TGFBR3: variants seen among roughly 807,000 people sequenced by gnomAD.
TGFBR3 encodes the protein transforming growth factor beta receptor 3, also known as transforming growth factor beta receptor type 3.
Under a neutral mutation model 87.9 loss-of-function variants are expected in TGFBR3, and 46 were observed. That is an observed-to-expected ratio of 0.52 (90% CI 0.41 to 0.67). TGFBR3 has a LOEUF of 0.67. Ranked by LOEUF, TGFBR3 falls within the 30% of genes least tolerant of loss-of-function variation. The pLI, the probability that TGFBR3 is intolerant of heterozygous loss-of-function variation, is 0.00. For synonymous variants in TGFBR3, 381 were observed against 391.6 expected, an observed-to-expected ratio of 0.97 and a Z score of 0.32; for missense variants, 866 against 1,041.9, an observed-to-expected ratio of 0.83 and a Z score of 2.32.
At chr1:91,827,758 G>T (rs191824840) in intron 2 of TGFBR3, among the ~76,000 whole-genome samples, 59 of 152,292 alleles carry the variant, frequency 3.9e-4, no homozygotes, top group African/African-American at 1.3e-3. Context: ...AACTCTCCCA[G>T]GTTTACTTTT....
At chr1:91,802,423 C>T (rs914961675) in intron 2 of TGFBR3, among the ~76,000 whole-genome samples, 19 of 151,556 alleles carry the variant, frequency 1.3e-4, no homozygotes, top group Non-Finnish European at 2.5e-4. Context: ...GGCAGTGACG[C>T]GCTCTCAGCT....
At chr1:91,901,273 C>G (rs2101350218) in intron 1 of TGFBR3, among the ~76,000 whole-genome samples, 1 of 152,164 alleles carries the variant, frequency 6.6e-6, no homozygotes, top group South Asian at 2.1e-4. Flanking sequence ...CTTCATCAGT[C>G]CAAATACTTG....
In TGFBR3 at chr1:91,681,781, T is replaced by C. The variant is rs1670916637; in HGVS notation, c.*1958A>G. 1 of 444,954 alleles carries C rather than the reference T, an allele frequency of 2.2e-6. No individual in the cohort carries two copies. The highest frequency in any genetic ancestry group is 2.0e-5 in the African/African-American group (1 of 49,420). The allele number at this position is 444,954 out of a possible 1,614,324, so 27.6% of individuals were successfully genotyped here. On this transcript the variant is annotated 3_prime_UTR_variant, in exon 17 of 17. Transcript: ENST00000212355. Reference sequence around the variant, plus strand: ...CTCTAGTCTTCTTTGAAGACATCTTTAAACTTTTTTATACATAGAATATGC... The same window carrying C: ...CTCTAGTCTTCTTTGAAGACATCTTCAAACTTTTTTATACATAGAATATGC...
intron 3 of TGFBR3, among the ~76,000 whole-genome samples, chr1:91,778,071 G>A (rs1674629261): frequency 6.6e-6 from 1 of 151,452 alleles, no homozygotes; most frequent in African/African-American, 2.4e-5. Context: ...AAGGCAGTAA[G>A]ATATAAGCAA....
intron 2 of TGFBR3, among the ~76,000 whole-genome samples, chr1:91,818,864 G>T (rs538829239): frequency 8.5e-5 from 13 of 152,258 alleles, no homozygotes; most frequent in African/African-American, 3.1e-4. Context: ...TGATGGTGGG[G>T]TTTTTTCCAG....
intron 5 of TGFBR3, among the ~76,000 whole-genome samples, chr1:91,732,079 A>G (rs1445279892): frequency 1.3e-5 from 2 of 152,194 alleles, no homozygotes; most frequent in African/African-American, 4.8e-5. Flanking sequence ...GGGGAGTCAC[A>G]TGCTTATTTG....
intron 4 of TGFBR3, among the ~76,000 whole-genome samples, chr1:91,748,006 C>T (rs1412373588): frequency 6.6e-6 from 1 of 152,194 alleles, no homozygotes; most frequent in Non-Finnish European, 1.5e-5. Flanking sequence ...CTGATAGCTC[C>T]TGGGAATGGC....
chr1:91,726,363 A>G (rs1672549930), intron 7 of TGFBR3, among the ~76,000 whole-genome samples: 1 of 152,194 alleles, frequency 6.6e-6, no homozygotes, highest in Non-Finnish European at 1.5e-5. Flanking sequence ...TGTGCCAGGC[A>G]GCAAAAGCAG....
intron 15 of TGFBR3, 76 bp downstream of exon 15, chr1:91,698,013 G>C (rs982990506): frequency 7.2e-7 from 1 of 1,395,580 alleles, no homozygotes; most frequent in Admixed American, 1.7e-5. Context: ...TCAAAGTTTG[G>C]CAAATGTTCA....
chr1:91,763,435 T>C (rs80249914), intron 3 of TGFBR3, among the ~76,000 whole-genome samples: 2,866 of 152,310 alleles, frequency 0.019, 92 homozygotes, highest in African/African-American at 0.065. Flanking sequence ...AGGGAAACTC[T>C]TATTATCTAA....
chr1:91,846,028 C>T (rs1677484090), intron 2 of TGFBR3, among the ~76,000 whole-genome samples: 1 of 152,208 alleles, frequency 6.6e-6, no homozygotes, highest in Admixed American at 6.5e-5. Flanking sequence ...TGAAGATGGT[C>T]TCTGGGCTCT....
intron 3 of TGFBR3, among the ~76,000 whole-genome samples, chr1:91,789,637 T>C (rs939023326): frequency 2.6e-5 from 4 of 152,256 alleles, no homozygotes; most frequent in African/African-American, 7.2e-5. Flanking sequence ...CTCTGATTTC[T>C]GCTTTCACTT....
intron 8 of TGFBR3, among the ~76,000 whole-genome samples, chr1:91,720,977 T>G (rs1672348146): frequency 6.6e-6 from 1 of 152,226 alleles, no homozygotes; most frequent in East Asian, 1.9e-4. Flanking sequence ...GGGAGAGACG[T>G]ATTTCCATAC....
intron 2 of TGFBR3, among the ~76,000 whole-genome samples, chr1:91,896,920 C>CT (rs11390038): frequency 0.97 from 139,085 of 142,906 alleles, 67,703 homozygotes; most frequent in South Asian, 0.99. Context: ...TTTTTCTTTT[C>CT]TTTTTTTTTT....
At chr1:91,828,973 C>T (rs1011384212) in intron 2 of TGFBR3, among the ~76,000 whole-genome samples, 3 of 152,156 alleles carry the variant, frequency 2.0e-5, no homozygotes, top group Admixed American at 6.5e-5. Flanking sequence ...GACCATCTTC[C>T]TGGGCATGTG....
chr1:91,867,932 T>C (rs1678445325), intron 1 of TGFBR3, among the ~76,000 whole-genome samples: 1 of 152,212 alleles, frequency 6.6e-6, no homozygotes. Flanking sequence ...TATTCTTTCT[T>C]TTTTGAGATG....
At chr1:91,839,245 T>G (rs1406379615) in intron 2 of TGFBR3, among the ~76,000 whole-genome samples, 5 of 152,190 alleles carry the variant, frequency 3.3e-5, no homozygotes, top group African/African-American at 1.2e-4. Flanking sequence ...GTGAAAGTAC[T>G]GGAATTTACA....
At chr1:91,693,478 CA>C (rs1671331939) in intron 16 of TGFBR3, among the ~76,000 whole-genome samples, 1 of 152,172 alleles carries the variant, frequency 6.6e-6, no homozygotes, top group South Asian at 2.1e-4. Context: ...CTTCCAAATT[CA>C]ATGAGGATGA....
chr1:91,885,577 C>A lies in TGFBR3; in HGVS notation c.-114+301G>T, dbSNP rs1051288252. Among the ~76,000 whole-genome samples the A allele has an allele frequency of 2.6e-5, 4 of 152,138 alleles. No homozygotes were observed. In the East Asian group the frequency reaches 7.7e-4, roughly 29 times the overall value. ...GCCCCGCAGGGGTCAGAAGGACCCG[C>A]GGAGAGGAAGAGTGAGGGCGGGCGT... On this transcript the variant is annotated intron_variant, in intron 1 of 16. Coordinates refer to ENST00000212355, the MANE Select transcript of TGFBR3 (RefSeq NM_003243.5).
Sources: allele counts gnomAD v4.1 joint callset (sites outside exome capture counted in the v4.1 genomes callset), GRCh38; gene constraint gnomAD v4.1.1; transcripts MANE v1.5; gene names NCBI Gene and HGNC (gene_info 2026-07-23, HGNC 2026-07-21).